Variants in MALT1 observed in about 807,000 individuals in gnomAD.
The protein encoded by MALT1 is mucosa-associated lymphoid tissue lymphoma translocation protein 1.
A neutral mutation model predicts 85.5 loss-of-function variants in MALT1; 36 were observed. That is an observed-to-expected ratio of 0.42 (90% confidence interval 0.32 to 0.56). The LOEUF (loss-of-function observed/expected upper bound fraction) is 0.56. MALT1 is among the 20% of genes least tolerant of loss of function. The pLI is 0.10. For missense variants in MALT1, 716 were observed against 981.6 expected (o/e 0.73, Z 3.62); for synonymous variants, 359 against 361.3 (o/e 0.99, Z 0.07).
chr18:58,733,611 TTAAA>T, intron 11 of MALT1, 37 bp downstream of exon 11: 4 of 1,453,776 alleles, frequency 2.8e-6, no homozygotes, highest in Non-Finnish European at 3.8e-6. Context: ...ATTGTTGGAG[TTAAA>T]TATCGACCAT....
At chr18:58,690,760 G>T in intron 2 of MALT1, 1 of 203,198 alleles carries the variant, frequency 4.9e-6, no homozygotes. Context: ...GTGTCAAGCA[G>T]GCCCTCTGGC....
chr18:58,714,004 A>T (rs1265591941), intron 7 of MALT1, 79 bp from the exon 8 acceptor site: 2 of 711,422 alleles, frequency 2.8e-6, no homozygotes, highest in African/African-American at 1.8e-5. Flanking sequence ...ACTGGCTCAA[A>T]ACTACTTGGA....
intron 10 of MALT1, among the ~76,000 whole-genome samples, chr18:58,726,152 C>T (rs553695211): frequency 9.2e-5 from 14 of 152,314 alleles, no homozygotes; most frequent in African/African-American, 3.1e-4. Flanking sequence ...TAGGCTGAAG[C>T]TTTGCCCCAA....
intron 1 of MALT1, among the ~76,000 whole-genome samples, chr18:58,677,060 A>G (rs1408138695): frequency 6.6e-6 from 1 of 152,202 alleles, no homozygotes; most frequent in Admixed American, 6.5e-5. Context: ...AAAATTCTAA[A>G]TTAGGACTTT....
rs969710298 is a variant in MALT1, at chr18:58,752,050, A to G, written c.*4208A>G. ...ATCTCTGACTTGCACATGAAGTAAC[A>G]GTGAGGTGTCCTGTGCAGCAGTCGC... On this transcript the variant is annotated 3_prime_UTR_variant, in exon 17 of 17. Transcript: ENST00000649217. The G allele has an allele frequency of 1.3e-5, 2 of 152,262 alleles. No individual in the cohort carries two copies. The highest frequency in any genetic ancestry group is 2.9e-5 in the Non-Finnish European group (2 of 68,056). The allele number at this position is 152,262 out of a possible 1,614,324, so 9.4% of individuals were successfully genotyped here.
chr18:58,721,352 C>T (rs1019680321), intron 9 of MALT1, among the ~76,000 whole-genome samples: 3 of 152,162 alleles, frequency 2.0e-5, no homozygotes, highest in African/African-American at 7.2e-5. Flanking sequence ...TGCACTCCAG[C>T]CTGGGCAACA....
chr18:58,728,887 AC>A (rs913287340), intron 10 of MALT1, among the ~76,000 whole-genome samples: 2 of 152,034 alleles, frequency 1.3e-5, no homozygotes, highest in African/African-American at 4.8e-5. Context: ...TTGTATCTTC[AC>A]CCCAATCAAG....
chr18:58,699,237 A>C (rs556871038), intron 3 of MALT1, among the ~76,000 whole-genome samples: 53 of 152,348 alleles, frequency 3.5e-4, no homozygotes, highest in Non-Finnish European at 2.1e-4. Context: ...TTGTTGGCAG[A>C]AAAAGGAGGT....
At chr18:58,712,657 G>A (rs1269427285) in intron 7 of MALT1, among the ~76,000 whole-genome samples, 1 of 152,126 alleles carries the variant, frequency 6.6e-6, no homozygotes, top group Non-Finnish European at 1.5e-5. Context: ...TATTTACCAT[G>A]TCTCTCAAAA....
rs866499621 is a variant in MALT1, at chr18:58,740,098, C to G, written c.1604-1767C>G. On this transcript the variant is annotated intron_variant, in intron 13 of 16. Transcript: ENST00000649217. The stretch of plus-strand genomic sequence containing the variant: ...GTCAATTTTGATAAGTTATATTTTC[C>G]TAGGAATTTGGGCAGTTTTCAAATT... Among the ~76,000 whole-genome samples the G allele has an allele frequency of 7.8e-4, 118 of 152,210 alleles. 1 individual carries two copies. Among genetic ancestry groups the G allele is most frequent in the African/African-American group, 2.7e-3 (113 of 41,542 alleles).
chr18:58,733,947 A>G (rs2055189507), intron 11 of MALT1: 1 of 1,150,802 alleles, frequency 8.7e-7, no homozygotes, highest in Non-Finnish European at 1.1e-6. Context: ...GGTCTTCCAG[A>G]CATGGAATGA....
chr18:58,687,419 T>G (rs146563074), intron 2 of MALT1, among the ~76,000 whole-genome samples: 32 of 152,306 alleles, frequency 2.1e-4, no homozygotes, highest in Non-Finnish European at 3.5e-4. Flanking sequence ...GAGAAACATA[T>G]GTGGACATAC....
chr18:58,698,067 G>GTT lies in MALT1; in HGVS notation c.498+1586_498+1587dup, dbSNP rs796905674. ...GTTGTTGTTGTTGTTGTTTTGTTTT[G>GTT]TTTTTTTGTTTTTTTTTTGAGATGG... On this transcript the variant is annotated intron_variant, in intron 3 of 16. Transcript: ENST00000649217. 1.0e-3 allele frequency among the ~76,000 whole-genome samples: 75 copies of GTT among 74,956 alleles called. 11 individuals are homozygous for GTT. The highest frequency in any genetic ancestry group is 6.9e-3 in the East Asian group (19 of 2,764). The allele number at this position is 74,956 out of a possible 152,430, so 49.2% of individuals were successfully genotyped here.
Position 58,671,631 on chromosome 18 carries a change from G to C in MALT1, c.-13G>C, listed in dbSNP as rs991934641. On this transcript the variant is annotated 5_prime_UTR_variant, in exon 1 of 17. Coordinates refer to ENST00000649217, the MANE Select transcript of MALT1 (RefSeq NM_006785.4). ...GCGGGAGCCCCGGCAGTCCGGGGTCGCCGGCGAGGGCCATGTCGCTGTTGG... is the reference window on the plus strand; with the variant it reads ...GCGGGAGCCCCGGCAGTCCGGGGTCCCCGGCGAGGGCCATGTCGCTGTTGG... 3.0e-4 allele frequency: 363 copies of C among 1,212,430 alleles called. No homozygotes were observed. Among genetic ancestry groups the C allele is most frequent in the Non-Finnish European group, 3.6e-4 (355 of 975,436 alleles). 75.1% of individuals were successfully genotyped at this position (1,212,430 alleles called of 1,614,324 possible).
intron 4 of MALT1, among the ~76,000 whole-genome samples, chr18:58,709,177 A>G (rs2054797585): frequency 6.6e-6 from 1 of 152,324 alleles, no homozygotes; most frequent in African/African-American, 2.4e-5. Context: ...AGAATTTTCT[A>G]AGTTTATTTG....
intron 9 of MALT1, among the ~76,000 whole-genome samples, chr18:58,719,445 C>A (rs1476300790): frequency 1.3e-5 from 2 of 152,136 alleles, no homozygotes; most frequent in Non-Finnish European, 1.5e-5. Flanking sequence ...CTCCCTCTTT[C>A]CTTTGGTTCC....
At chr18:58,727,395 C>T (rs1247910479) in intron 10 of MALT1, among the ~76,000 whole-genome samples, 1 of 152,184 alleles carries the variant, frequency 6.6e-6, no homozygotes, top group Admixed American at 6.5e-5. Flanking sequence ...CCTCTGCCTC[C>T]TGGGTTCAAG....
At chr18:58,693,062 T>C (rs1602291637) in intron 2 of MALT1, among the ~76,000 whole-genome samples, 1 of 152,282 alleles carries the variant, frequency 6.6e-6, no homozygotes, top group Non-Finnish European at 1.5e-5. Flanking sequence ...AACATAAAAG[T>C]GCAAAGTGAA....
At chr18:58,699,028 A>T (rs1311907120) in intron 3 of MALT1, among the ~76,000 whole-genome samples, 5 of 152,188 alleles carry the variant, frequency 3.3e-5, no homozygotes, top group Non-Finnish European at 4.4e-5. Context: ...ATAAAGGAAG[A>T]CTGAGAAGAC....
Sources: gnomAD v4.1 joint callset for allele counts (sites outside exome capture counted in the v4.1 genomes callset) on GRCh38, gnomAD v4.1.1 for gene constraint, MANE v1.5 for transcripts, NCBI Gene and HGNC (gene_info 2026-07-23, HGNC 2026-07-21) for gene names.